Variants in OVCH1 observed in about 807,000 individuals in gnomAD.
OVCH1 encodes ovochymase-1.
Under a neutral mutation model 138.4 loss-of-function variants are expected in OVCH1, and 139 were observed. That is an observed-to-expected ratio of 1.00 (90% CI 0.87 to 1.16). The LOEUF is 1.16. OVCH1 is among the 50% of genes most tolerant of loss of function. OVCH1 has a pLI of 0.00. For missense variants in OVCH1, 1,367 were observed against 1,357.9 expected (o/e 1.01, Z -0.11); for synonymous variants, 453 against 467.8 (o/e 0.97, Z 0.41).
chr12:29,411,689 C>T (rs1161781800), downstream of OVCH1, among the ~76,000 whole-genome samples: 2 of 152,138 alleles, frequency 1.3e-5, no homozygotes, highest in South Asian at 2.1e-4. Flanking sequence ...AGTACCCGGC[C>T]GTGTGAAGTG....
exon 22 of OVCH1, chr12:29,451,542 T>A (rs781726102): frequency 6.2e-7 from 1 of 1,612,244 alleles, no homozygotes; most frequent in South Asian, 1.1e-5. Context: ...GCCTCTAGGC[T>A]TTTCTAGCTC....
chr12:29,442,380 C>T (rs1364839373), intron 25 of OVCH1, among the ~76,000 whole-genome samples: 1 of 134,344 alleles, frequency 7.4e-6, no homozygotes, highest in African/African-American at 2.7e-5. Flanking sequence ...GAACAAAAAA[C>T]CAAACACCGC....
At chr12:29,473,656 G>T (rs975057812) in intron 14 of OVCH1, among the ~76,000 whole-genome samples, 1 of 151,816 alleles carries the variant, frequency 6.6e-6, no homozygotes, top group African/African-American at 2.4e-5. Context: ...CACTCACCTC[G>T]CCATTCAAGC....
At chr12:29,443,432 T>C (rs78265994) in exon 25 of OVCH1, 118,295 of 1,610,832 alleles carry the variant, frequency 0.073, 4,873 homozygotes, top group Middle Eastern at 0.087. Context: ...AGTTGTTGGC[T>C]TCATCGGGAA....
chr12:29,417,250 C>CGA (rs1281713727), intron 3 of OVCH1, among the ~76,000 whole-genome samples: 1 of 151,846 alleles, frequency 6.6e-6, no homozygotes, highest in East Asian at 1.9e-4. Context: ...GTCAGGAGTT[C>CGA]GAGACCAACC....
intron 7 of OVCH1, chr12:29,487,050 T>G (rs1248133183): frequency 1.0e-5 from 4 of 387,614 alleles, no homozygotes; most frequent in Non-Finnish European, 2.1e-5. Context: ...CCCTGTCAGG[T>G]GGCTGCCCTT....
intron 16 of OVCH1, among the ~76,000 whole-genome samples, chr12:29,466,184 C>T (rs1211743945): frequency 2.0e-5 from 3 of 151,886 alleles, no homozygotes; most frequent in African/African-American, 7.3e-5. Flanking sequence ...CAACATGGCA[C>T]ATGTATGCAT....
Position 29,489,779 on chromosome 12 carries a change from G to A in OVCH1, c.551-8C>T, listed in dbSNP as rs770902003. The A allele has an allele frequency of 6.2e-7, 1 of 1,606,870 alleles. No individual in the cohort carries two copies. On this transcript the variant is annotated splice_region_variant and splice_polypyrimidine_tract_variant and intron_variant, in intron 5 of 27. Transcript: ENST00000318184. ...CATTTGAATATTCTGATGCTGTAGAGAGAGGACAGATAAGTTAGCACACAA... is the reference window on the plus strand; with the variant it reads ...CATTTGAATATTCTGATGCTGTAGAAAGAGGACAGATAAGTTAGCACACAA...
At position 29,462,047 on chromosome 12, in the gene OVCH1, T is replaced by C. The variant is rs373470198; in HGVS notation, c.2126-39A>G. ...ATTCAGAGAGAGCTCGATGATGAAG[T>C]AAGCAGAAAGTGTTGTTAGAAATGT... On this transcript the variant is annotated intron_variant, in intron 18 of 27. Coordinates refer to ENST00000318184, the Ensembl canonical transcript of OVCH1. The C allele has an allele frequency of 3.5e-5, 56 of 1,592,378 alleles. 1 individual carries two copies. The African/African-American group carries it at 4.8e-4, about 14-fold the overall frequency.
At chr12:29,427,760 G>C (rs1208303488) in intron 27 of OVCH1, 2 of 1,394,506 alleles carry the variant, frequency 1.4e-6, no homozygotes, top group South Asian at 1.5e-5. Context: ...GTAGCAACAG[G>C]GGTCTATATT....
intron 3 of OVCH1, among the ~76,000 whole-genome samples, chr12:29,415,274 C>T (rs982142228): frequency 6.6e-6 from 1 of 152,128 alleles, no homozygotes; most frequent in Admixed American, 6.5e-5. Context: ...GAAGGGGGAA[C>T]GTTTGTAATG....
chr12:29,423,329 G>C (rs974428804), downstream of OVCH1: 3 of 454,212 alleles, frequency 6.6e-6, no homozygotes, highest in Non-Finnish European at 1.3e-5. Flanking sequence ...GATAATTAAA[G>C]TACTTTTTCT....
downstream of OVCH1, among the ~76,000 whole-genome samples, chr12:29,425,028 G>A (rs1254786402): frequency 6.6e-6 from 1 of 152,112 alleles, no homozygotes; most frequent in East Asian, 1.9e-4. Flanking sequence ...CTAATTAGAT[G>A]GTGGCTAGGG....
intron 3 of OVCH1, among the ~76,000 whole-genome samples, chr12:29,414,868 G>A (rs1161743418): frequency 6.6e-6 from 1 of 151,902 alleles, no homozygotes; most frequent in Non-Finnish European, 1.5e-5. Context: ...TATTTTAAAA[G>A]TCTTTAATAT....
At chr12:29,410,052 C>A (rs1180715329), downstream of OVCH1, among the ~76,000 whole-genome samples, 1 of 152,110 alleles carries the variant, frequency 6.6e-6, no homozygotes, top group Non-Finnish European at 1.5e-5. Flanking sequence ...GATCCCTTTA[C>A]CATTATGTAA....
At chr12:29,411,741 T>C (rs940570838), downstream of OVCH1, among the ~76,000 whole-genome samples, 3 of 151,710 alleles carry the variant, frequency 2.0e-5, no homozygotes, top group East Asian at 1.9e-4. Context: ...GTTAGGCTGC[T>C]CAGGGGTCAG....
At chr12:29,475,178 C>T (rs866771712) in exon 14 of OVCH1, 1 of 1,479,858 alleles carries the variant, frequency 6.8e-7, no homozygotes, top group Admixed American at 2.5e-5. Context: ...GTCAACATTC[C>T]ACAAAGTTTA....
chr12:29,496,481 G>A (rs550360075), intron 2 of OVCH1, 75 bp downstream of exon 2: 10 of 1,349,854 alleles, frequency 7.4e-6, no homozygotes, highest in Admixed American at 1.9e-5. Flanking sequence ...ATATCAACGT[G>A]CATTCTTGCT....
intron 3 of OVCH1, among the ~76,000 whole-genome samples, chr12:29,416,833 C>T (rs140441708): frequency 3.2e-3 from 490 of 152,256 alleles, no homozygotes; most frequent in Middle Eastern, 6.8e-3. Flanking sequence ...AAACACATGT[C>T]CACACAAAAA....
Sources: allele counts gnomAD v4.1 joint callset (sites outside exome capture counted in the v4.1 genomes callset), GRCh38; gene constraint gnomAD v4.1.1; transcripts MANE v1.5; gene names NCBI Gene and HGNC (gene_info 2026-07-23, HGNC 2026-07-21).